ZNF280D: variants seen among roughly 807,000 people sequenced by gnomAD.
The protein encoded by ZNF280D is suppressor of hairy wing homolog 4.
In ZNF280D, 39 loss-of-function variants were observed where a neutral mutation model predicts 94.7. The observed-to-expected ratio is 0.41, with a 90% CI of 0.32 to 0.54. The LOEUF is 0.54. Among genes scored for constraint, ZNF280D ranks in the 20% least tolerant of loss-of-function variants. The pLI, the probability that ZNF280D is intolerant of heterozygous loss-of-function variation, is 0.22. For synonymous variants in ZNF280D, 398 were observed against 377.6 expected (o/e 1.05, Z -0.63); for missense variants, 1,090 against 1,149.3 (o/e 0.95, Z 0.75).
chr15:56,635,507 A>G (rs1277295436), intron 20 of ZNF280D: 1 of 159,496 alleles, frequency 6.3e-6, no homozygotes, highest in African/African-American at 2.4e-5. Context: ...TTACCCACTC[A>G]TGTCAATATC....
In ZNF280D at chr15:56,689,594, T is replaced by A. The variant is rs1168969539; in HGVS notation, c.500-124A>T. 4 of 574,386 alleles carry A rather than the reference T, an allele frequency of 7.0e-6. No individual in the cohort carries two copies. The African/African-American group carries it at 7.8e-5, about 11-fold the overall frequency. 35.6% of individuals were successfully genotyped at this position (574,386 alleles called of 1,614,324 possible). On this transcript the variant is annotated intron_variant, in intron 7 of 21. Coordinates refer to ENST00000267807, the MANE Select transcript of ZNF280D (RefSeq NM_017661.4). ...TTGAATTATCATATCATGACAATAA[T>A]GATAAAACTTGATATGATCCAAACT... is the stretch of plus-strand genomic sequence containing the variant.
At chr15:56,721,916 T>G (rs1323203708) in intron 1 of ZNF280D, among the ~76,000 whole-genome samples, 3 of 152,244 alleles carry the variant, frequency 2.0e-5, no homozygotes, top group African/African-American at 7.2e-5. Flanking sequence ...GTATTTGGCC[T>G]ACCTCTGCTT....
In ZNF280D at chr15:56,717,569, C is replaced by T. The variant is rs946649379; in HGVS notation, c.-85-10263G>A. On this transcript the variant is annotated intron_variant, in intron 1 of 21. Coordinates refer to ENST00000267807, the MANE Select transcript of ZNF280D (RefSeq NM_017661.4). ...TATGTTATCGCCATTATAAATTATA[C>T]AATATGATAAATATATAATTATAAA... 1.1e-4 allele frequency among the ~76,000 whole-genome samples: 17 copies of T among 151,972 alleles called. No individual in the cohort carries two copies. The East Asian group carries it at 2.9e-3, about 26-fold the overall frequency.
intron 1 of ZNF280D, among the ~76,000 whole-genome samples, chr15:56,717,864 T>C (rs1270211811): frequency 6.6e-6 from 1 of 152,120 alleles, no homozygotes; most frequent in Non-Finnish European, 1.5e-5. Flanking sequence ...GAATACCAAA[T>C]TACAGGGAGG....
intron 19 of ZNF280D, among the ~76,000 whole-genome samples, chr15:56,648,536 G>A (rs1332981888): frequency 5.3e-5 from 8 of 151,972 alleles, no homozygotes; most frequent in Non-Finnish European, 1.0e-4. Flanking sequence ...ATACTACTGA[G>A]TAGTTTAGTC....
At chr15:56,703,976 A>G in intron 4 of ZNF280D, 145 bp downstream of exon 4, 3 of 815,710 alleles carry the variant, frequency 3.7e-6, no homozygotes, top group Non-Finnish European at 5.5e-6. Context: ...CTGATATTTA[A>G]TCTCTTACCT....
intron 1 of ZNF280D, among the ~76,000 whole-genome samples, chr15:56,732,008 A>T (rs558287239): frequency 6.6e-6 from 1 of 152,328 alleles, no homozygotes; most frequent in East Asian, 1.9e-4. Flanking sequence ...TTTCAAAAGT[A>T]AAGTATAAAA....
chr15:56,654,277 A>T (rs539817706), intron 18 of ZNF280D, 43 bp from the exon 19 acceptor site: 5 of 1,602,818 alleles, frequency 3.1e-6, no homozygotes, highest in Non-Finnish European at 4.2e-6. Flanking sequence ...CAGCATATGA[A>T]ATATGATGAG....
Position 56,654,511 on chromosome 15 carries a change from A to AAAAAGCATTAAAAAAAG in ZNF280D, c.2058-25_2058-9dup. 6.4e-7 allele frequency: 1 copy of AAAAAGCATTAAAAAAAG among 1,561,828 alleles called. No homozygotes were observed. Among genetic ancestry groups the AAAAAGCATTAAAAAAAG allele is most frequent in the Non-Finnish European group, 8.6e-7 (1 of 1,161,268 alleles). ...CACACTAGAGTAATGCCCCTAAAAA[A>AAAAAGCATTAAAAAAAG]AAAAGCATTAAAAAAAGATTTTTAT... On this transcript the variant is annotated splice_polypyrimidine_tract_variant and intron_variant, in intron 17 of 21. Coordinates refer to ENST00000267807, the MANE Select transcript of ZNF280D (RefSeq NM_017661.4).
rs756056292 is a variant in ZNF280D, at chr15:56,682,303, T to C, written c.955A>G (p.Thr319Ala). ...GDVQEEQKTH[T>A]TFKCFSCLKI... ...AAGCAACTGAAGCATTTAAAGGTTG[T>C]GTGAGTCTTCTGTTCCTCCTGGACA... The change falls in exon 10 of 22, where the codon ACA (threonine) becomes GCA (alanine). Residue 319 changes from threonine to alanine, a missense_variant. By Grantham distance (58) the Thr-to-Ala change is moderately conservative. Around this residue, in one of 3 missense-constraint regions of ZNF280D, gnomAD observed 386 missense variants for 372.0 expected, o/e 1.04. Coordinates refer to ENST00000267807, the MANE Select transcript of ZNF280D (RefSeq NM_017661.4). 3.6e-5 allele frequency: 57 copies of C among 1,591,156 alleles called. No individual in the cohort carries two copies. The highest frequency in any genetic ancestry group is 9.1e-5 in the East Asian group (4 of 43,740).
chr15:56,695,140 T>C (rs1348161075), intron 6 of ZNF280D, among the ~76,000 whole-genome samples: 1 of 152,060 alleles, frequency 6.6e-6, no homozygotes, highest in Admixed American at 6.6e-5. Flanking sequence ...TGGCCTGATC[T>C]CCGCTCACTG....
intron 1 of ZNF280D, among the ~76,000 whole-genome samples, chr15:56,711,557 C>A (rs1183440667): frequency 6.6e-6 from 1 of 151,946 alleles, no homozygotes; most frequent in Non-Finnish European, 1.5e-5. Flanking sequence ...CCAAGCTACT[C>A]GGGAGGCTGA....
At chr15:56,663,010 G>A (rs1279579190) in intron 16 of ZNF280D, among the ~76,000 whole-genome samples, 1 of 151,746 alleles carries the variant, frequency 6.6e-6, no homozygotes, top group Non-Finnish European at 1.5e-5. Flanking sequence ...GCCAGGTGCA[G>A]AGGGGGTGCT....
At chr15:56,689,278 A>C (rs762794220) in intron 8 of ZNF280D, 22 bp downstream of exon 8, 3 of 1,585,382 alleles carry the variant, frequency 1.9e-6, no homozygotes, top group Non-Finnish European at 2.6e-6. Context: ...ACTTCTTTTT[A>C]TGTACCACAT....
At chr15:56,637,331 T>C (rs550921417) in intron 20 of ZNF280D, among the ~76,000 whole-genome samples, 2 of 140,710 alleles carry the variant, frequency 1.4e-5, no homozygotes, top group African/African-American at 5.2e-5. Flanking sequence ...GTGCTCAACA[T>C]GACTGGCTAG....
intron 21 of ZNF280D, 126 bp from the exon 22 acceptor site, chr15:56,632,248 T>C (rs1596310770): frequency 1.1e-6 from 1 of 900,268 alleles, no homozygotes; most frequent in Non-Finnish European, 1.6e-6. Context: ...AGGAAAACAG[T>C]CCAAGTTCCC....
intron 1 of ZNF280D, among the ~76,000 whole-genome samples, chr15:56,716,967 T>A (rs900298322): frequency 6.6e-6 from 1 of 152,134 alleles, no homozygotes; most frequent in Non-Finnish European, 1.5e-5. Flanking sequence ...AGGATCTCCA[T>A]TGAGGATGAC....
intron 1 of ZNF280D, chr15:56,730,691 C>G (rs533153343): frequency 1.3e-5 from 2 of 152,370 alleles, no homozygotes; most frequent in South Asian, 2.1e-4. Context: ...TCCCTAGGCT[C>G]TGATGCCAAC....
chr15:56,710,492 C>G (rs1436814708), intron 1 of ZNF280D, among the ~76,000 whole-genome samples: 1 of 151,650 alleles, frequency 6.6e-6, no homozygotes, highest in Admixed American at 6.6e-5. Context: ...GATTACATGC[C>G]CATATTTAAT....
Sources: allele counts gnomAD v4.1 joint callset (sites outside exome capture counted in the v4.1 genomes callset), GRCh38; gene constraint gnomAD v4.1.1; regional missense constraint gnomAD v4.1.1; transcripts MANE v1.5; gene names NCBI Gene and HGNC (gene_info 2026-07-23, HGNC 2026-07-21).